SPINK5: variants seen among roughly 807,000 people sequenced by gnomAD.
The protein encoded by SPINK5 is serine peptidase inhibitor Kazal type 5.
SPINK5 carries 125 observed loss-of-function variants against 151.8 expected under a neutral mutation model. That is an observed-to-expected ratio of 0.82 (90% CI 0.71 to 0.96). The LOEUF is 0.96. SPINK5 is among the 40% of genes least tolerant of loss of function. The pLI is 0.00. For synonymous variants in SPINK5, 374 were observed against 395.3 expected (o/e 0.95, Z 0.64); for missense variants, 1,194 against 1,291.9 (o/e 0.92, Z 1.16).
chr5:148,080,808 T>G (rs1752999856), intron 4 of SPINK5, among the ~76,000 whole-genome samples: 2 of 151,474 alleles, frequency 1.3e-5, no homozygotes, highest in South Asian at 4.1e-4. Context: ...TTTATAAAAA[T>G]TGCAAATTTG....
In SPINK5 at chr5:148,094,440, C is replaced by T. The variant is rs376643233; in HGVS notation, c.753C>T (p.Gly251=). 8.6e-5 allele frequency: 139 copies of T among 1,612,646 alleles called. No homozygotes were observed. Among genetic ancestry groups the T allele is most frequent in the Non-Finnish European group, 1.1e-4 (132 of 1,179,114 alleles). Residue 251 remains glycine, a synonymous_variant, in exon 9 of 33, where the codon GGC becomes GGT. Coordinates refer to ENST00000256084, the MANE Select transcript of SPINK5 (RefSeq NM_006846.4). The part of the protein sequence containing the change: ...RESDPVRGPD[G]RMHGNKCALC... Reference sequence around the variant, plus strand: ...GTGATCCAGTCCGTGGCCCTGACGGCAGGATGCATGGCAACAAATGTGCCC... The same window carrying T: ...GTGATCCAGTCCGTGGCCCTGACGGTAGGATGCATGGCAACAAATGTGCCC...
In SPINK5 at chr5:148,104,946, T is replaced by G; in HGVS notation, c.1431-6T>G. The G allele has an allele frequency of 6.2e-7, 1 of 1,611,998 alleles. No individual in the cohort carries two copies. Among genetic ancestry groups the G allele is most frequent in the South Asian group, 1.1e-5 (1 of 90,448 alleles). The stretch of plus-strand genomic sequence containing the variant: ...CTTCTCTCTTTTTCTTTTCGGTTTC[T>G]TAAAGTCAACAAGAAGAAAGAGCAA... On this transcript the variant is annotated splice_region_variant and splice_polypyrimidine_tract_variant and intron_variant, in intron 15 of 32. Coordinates refer to ENST00000256084, the MANE Select transcript of SPINK5 (RefSeq NM_006846.4).
intron 2 of SPINK5, among the ~76,000 whole-genome samples, chr5:148,067,339 A>C (rs2127185230): frequency 6.6e-6 from 1 of 152,282 alleles, no homozygotes; most frequent in Non-Finnish European, 1.5e-5. Context: ...GCTGAGAAAA[A>C]GAGAATAACA....
At chr5:148,069,838 TA>T in intron 2 of SPINK5, among the ~76,000 whole-genome samples, 1 of 152,190 alleles carries the variant, frequency 6.6e-6, no homozygotes, top group South Asian at 2.1e-4. Flanking sequence ...GTTTTCCAGA[TA>T]AATATAACCA....
At position 148,111,468 on chromosome 5, in the gene SPINK5, T is replaced by C. The variant is rs73794672; in HGVS notation, c.1693-300T>C. Among the ~76,000 whole-genome samples the C allele has an allele frequency of 0.15, 23,168 of 152,124 alleles. 2,391 individuals are homozygous for C. The highest frequency in any genetic ancestry group is 0.32 in the East Asian group (1,641 of 5,150). On this transcript the variant is annotated intron_variant, in intron 18 of 32. Transcript: ENST00000256084. The stretch of plus-strand genomic sequence containing the variant: ...CGTATTTGGTGGAACGGTATTATTC[T>C]GTATACCACAGATTCCTTTACCAAT...
chr5:148,085,937 T>G (rs1431931832), intron 4 of SPINK5, among the ~76,000 whole-genome samples: 1 of 151,952 alleles, frequency 6.6e-6, no homozygotes, highest in Non-Finnish European at 1.5e-5. Context: ...GTTAAATAAC[T>G]TGTCCAAGTC....
rs756124417 is a variant in SPINK5 at position 148,120,280 on chromosome 5, T to C, written c.2442-15T>C. The C allele has an allele frequency of 1.4e-5, 22 of 1,605,558 alleles. No homozygotes were observed. In the Admixed American group the frequency reaches 2.4e-4, roughly 17 times the overall value. On this transcript the variant is annotated splice_polypyrimidine_tract_variant and intron_variant, in intron 25 of 32. Coordinates refer to ENST00000256084, the MANE Select transcript of SPINK5 (RefSeq NM_006846.4). ...TGTTCACTTTGATTGAAATGTTTCA[T>C]TGTTTTCCCCCCAGGGAAAGGGAAG...
At chr5:148,128,802 C>T (rs1754500533) in intron 30 of SPINK5, among the ~76,000 whole-genome samples, 5 of 152,252 alleles carry the variant, frequency 3.3e-5, no homozygotes, top group Admixed American at 2.6e-4. Flanking sequence ...GGATTATAGG[C>T]GTGAGCCACC....
chr5:148,081,675 A>C (rs1390466288), intron 4 of SPINK5, among the ~76,000 whole-genome samples: 3 of 151,704 alleles, frequency 2.0e-5, no homozygotes, highest in Non-Finnish European at 4.4e-5. Context: ...AAATATTTTA[A>C]GACCAGATTC....
intron 8 of SPINK5, among the ~76,000 whole-genome samples, chr5:148,092,422 T>A (rs1464242513): frequency 1.3e-5 from 2 of 152,082 alleles, no homozygotes; most frequent in East Asian, 1.9e-4. Context: ...CTTTGGGTCA[T>A]CCTGTGATAG....
At chr5:148,101,630 C>A in intron 14 of SPINK5, 151 bp from the exon 15 acceptor site, 2 of 1,254,886 alleles carry the variant, frequency 1.6e-6, no homozygotes, top group Non-Finnish European at 2.3e-6. Flanking sequence ...TTGTTTTTAT[C>A]ACTTAAAAAA....
At position 148,101,341 on chromosome 5, in the gene SPINK5, C is replaced by T; in HGVS notation, c.1221-14C>T. The T allele has an allele frequency of 6.3e-7, 1 of 1,579,644 alleles. No homozygotes were observed. Among genetic ancestry groups the T allele is most frequent in the Non-Finnish European group, 8.7e-7 (1 of 1,148,754 alleles). ...ATGATTTTTACTTATCTCTTCTTAA[C>T]CATCCTTTTTTAGCCAAGCAGAAGA... is the stretch of plus-strand genomic sequence containing the variant. On this transcript the variant is annotated splice_polypyrimidine_tract_variant and intron_variant, in intron 13 of 32. Transcript: ENST00000256084.
chr5:148,066,251 G>T (rs976891238), intron 2 of SPINK5, among the ~76,000 whole-genome samples: 3 of 152,068 alleles, frequency 2.0e-5, no homozygotes, highest in African/African-American at 2.4e-5. Context: ...TTTTCTACTA[G>T]AAGTTAAATT....
In SPINK5 at chr5:148,104,965, A is replaced by C. The variant is rs562426234; in HGVS notation, c.1444A>C (p.Arg482=). 2 of 1,613,764 alleles carry C rather than the reference A, an allele frequency of 1.2e-6. No homozygotes were observed. The highest frequency in any genetic ancestry group is 1.7e-4 in the Middle Eastern group (1 of 6,060). Residue 482 remains arginine (R), a synonymous_variant, in exon 16 of 33, where the codon AGA becomes CGA. Transcript: ENST00000256084. ...GGTTTCTTAAAGTCAACAAGAAGAA[A>C]GAGCAAGAGCAAAGGCTAAAAGAGA... The part of the protein sequence containing the change: ...MCEAFFQQEE[R]ARAKAKREAA...
At chr5:148,130,249 T>TTCATTTCA (rs1418450535) in intron 30 of SPINK5, among the ~76,000 whole-genome samples, 2 of 151,984 alleles carry the variant, frequency 1.3e-5, no homozygotes, top group African/African-American at 4.8e-5. Context: ...TGTATTTTCT[T>TTCATTTCA]TGTGATTCAT....
chr5:148,096,817 G>A (rs1447335469), intron 10 of SPINK5, among the ~76,000 whole-genome samples: 1 of 146,728 alleles, frequency 6.8e-6, no homozygotes, highest in Non-Finnish European at 1.5e-5. Context: ...GGAGTGTAGT[G>A]GTGGGATCAT....
chr5:148,131,277 G>A lies in SPINK5; in HGVS notation c.2983G>A (p.Asp995Asn). 1.2e-6 allele frequency: 2 copies of A among 1,613,834 alleles called. No individual in the cohort carries two copies. The highest frequency in any genetic ancestry group is 1.7e-6 in the Non-Finnish European group (2 of 1,179,770). ...FSSLDSEMCK[D>N]YRVLPRIGYL... ...TCTTCAGGATTCTGAGATGTGCAAA[G>A]ACTACCGAGTATTGCCCAGGATAGG... Residue 995 changes from aspartate to asparagine, a missense_variant, in exon 31 of 33, where the codon GAC becomes AAC. Physicochemically the swap from Asp to Asn is conservative, Grantham distance 23. Transcript: ENST00000256084.
At chr5:148,120,769 C>G (rs1754236157) in intron 26 of SPINK5, among the ~76,000 whole-genome samples, 1 of 152,156 alleles carries the variant, frequency 6.6e-6, no homozygotes, top group Non-Finnish European at 1.5e-5. Context: ...AGCCATCGCA[C>G]TCTGCTGTTT....
chr5:148,067,704 T>C (rs1752621561), intron 2 of SPINK5, among the ~76,000 whole-genome samples: 1 of 152,292 alleles, frequency 6.6e-6, no homozygotes, highest in Non-Finnish European at 1.5e-5. Context: ...AGGGAGTCTT[T>C]CTAGGAATTA....
Sources: gnomAD v4.1 joint callset for allele counts (sites outside exome capture counted in the v4.1 genomes callset) on GRCh38, gnomAD v4.1.1 for gene constraint, MANE v1.5 for transcripts, NCBI Gene and HGNC (gene_info 2026-07-23, HGNC 2026-07-21) for gene names.